Variants in HSPA9 observed in about 807,000 individuals in gnomAD.
The protein encoded by HSPA9 is heat shock protein family A (Hsp70) member 9.
Under a neutral mutation model 81.5 loss-of-function variants are expected in HSPA9, and 28 were observed. The ratio of observed to expected loss-of-function variants is 0.34; its 90% confidence interval spans 0.25 to 0.47. The LOEUF (loss-of-function observed/expected upper bound fraction) is 0.47, where lower values mean the gene tolerates loss of function less well. Ranked by LOEUF, HSPA9 falls within the 20% of genes least tolerant of loss-of-function variation. HSPA9 has a pLI of 1.00. For missense variants in HSPA9, 678 were observed against 838.0 expected (o/e 0.81, Z 2.36); for synonymous variants, 293 against 290.4 (o/e 1.01, Z -0.09).
Position 138,568,917 on chromosome 5 carries a change from C to A in HSPA9, c.535+8G>T, listed in dbSNP as rs1267924904. 2 of 1,613,464 alleles carry A rather than the reference C, an allele frequency of 1.2e-6. No homozygotes were observed. The highest frequency in any genetic ancestry group is 1.7e-6 in the Non-Finnish European group (2 of 1,179,688). ...GAACTTTCCCAGATGTGAACTAAAC[C>A]CACTCACCTGCAGTCTCTTTCATCT... On this transcript the variant is annotated splice_region_variant and intron_variant, in intron 5 of 16. Transcript: ENST00000297185.
rs1750535226 is a variant in HSPA9, at chr5:138,556,668, C to T, written c.1822-76G>A. 4 of 1,573,836 alleles carry T rather than the reference C, an allele frequency of 2.5e-6. No homozygotes were observed. The South Asian group carries it at 3.3e-5, about 13-fold the overall frequency. ...TACAAGTAGAAGTACTATTTAGAAACATTTTAAAATAATTAAACCCCTATC... is the reference window on the plus strand; with the variant it reads ...TACAAGTAGAAGTACTATTTAGAAATATTTTAAAATAATTAAACCCCTATC... On this transcript the variant is annotated intron_variant, in intron 15 of 16. Transcript: ENST00000297185.
Position 138,567,029 on chromosome 5 carries a change from C to T in HSPA9, c.851G>A (p.Arg284Gln), listed in dbSNP as rs771008866. The change falls in exon 8 of 17, where the codon CGG (arginine) becomes CAG (glutamine). Residue 284 changes from arginine (R) to glutamine (Q), a missense_variant. Arg to Gln is a conservative substitution (Grantham distance 43, BLOSUM62 1). Transcript: ENST00000297185. ...TCTCTTGAACTCCTTCACAATGTGC[C>T]GTAGCAAGGCCTGGTCAAAGTCTTC... ...GGEDFDQALL[R>Q]HIVKEFKRET... 6.2e-6 allele frequency: 10 copies of T among 1,610,608 alleles called. No individual in the cohort carries two copies. Among genetic ancestry groups the T allele is most frequent in the South Asian group, 5.5e-5 (5 of 90,972 alleles).
At chr5:138,566,311 A>C (rs1370280745) in intron 9 of HSPA9, among the ~76,000 whole-genome samples, 1 of 152,082 alleles carries the variant, frequency 6.6e-6, no homozygotes, top group Non-Finnish European at 1.5e-5. Context: ...AGTTTTAAAC[A>C]CTGCCAGAGC....
At chr5:138,566,769 A>G (rs1316313375) in intron 8 of HSPA9, 51 bp from the exon 9 acceptor site, 2 of 1,368,708 alleles carry the variant, frequency 1.5e-6, no homozygotes, top group Admixed American at 1.7e-5. Flanking sequence ...TGAGGTGATA[A>G]ATAAACTGCA....
intron 9 of HSPA9, among the ~76,000 whole-genome samples, chr5:138,563,284 A>G (rs1398545487): frequency 6.6e-6 from 1 of 152,252 alleles, no homozygotes; most frequent in Admixed American, 6.5e-5. Flanking sequence ...TAACTGAGAA[A>G]TGTAATTTTA....
At chr5:138,575,134 T>TA in intron 1 of HSPA9, 104 bp downstream of exon 1, 1 of 768,794 alleles carries the variant, frequency 1.3e-6, no homozygotes, top group Non-Finnish European at 2.2e-6. Context: ...GCCTGACCTA[T>TA]ACTGGAGAAT....
chr5:138,560,837 T>C (rs1750641039), intron 10 of HSPA9: 3 of 429,864 alleles, frequency 7.0e-6, no homozygotes, highest in South Asian at 1.7e-5. Flanking sequence ...CGTAAGCCAC[T>C]GTACCCGGCC....
rs41295735 is a variant in HSPA9 at position 138,563,752 on chromosome 5, T to C, written c.973-1963A>G. ...TTCCTTGGGCCACACATAAAATACA[T>C]TAACACTAACAATAGCTGATGAGCT... On this transcript the variant is annotated intron_variant, in intron 9 of 16. Transcript: ENST00000297185. 7.4e-4 allele frequency among the ~76,000 whole-genome samples: 113 copies of C among 152,322 alleles called. 1 individual carries two copies. The highest frequency in any genetic ancestry group is 2.5e-3 in the African/African-American group (106 of 41,570).
chr5:138,574,370 G>A (rs1751033527), intron 1 of HSPA9, among the ~76,000 whole-genome samples: 1 of 152,124 alleles, frequency 6.6e-6, no homozygotes, highest in Admixed American at 6.5e-5. Flanking sequence ...GGGCTGTTCT[G>A]TGCATTGTAG....
At chr5:138,568,271 T>C (rs1750808754) in intron 5 of HSPA9, among the ~76,000 whole-genome samples, 2 of 151,918 alleles carry the variant, frequency 1.3e-5, no homozygotes, top group Admixed American at 1.3e-4. Flanking sequence ...CTGAGGCGGA[T>C]GAATCACCTG....
chr5:138,562,024 C>T (rs183477653), intron 9 of HSPA9, among the ~76,000 whole-genome samples: 164 of 151,624 alleles, frequency 1.1e-3, no homozygotes, highest in African/African-American at 3.6e-3. Context: ...CTGCAACCTC[C>T]GCCTCCCAGG....
rs1034553858 is a variant in HSPA9 at position 138,554,043 on chromosome 5, A to C, written c.*1994T>G. On this transcript the variant is annotated 3_prime_UTR_variant, in exon 17 of 17. Coordinates refer to ENST00000297185, the MANE Select transcript of HSPA9 (RefSeq NM_004134.7). ...GGACTGTGGGTGGGACCTCGGTTCC[A>C]TAATTGTGAGCCAGTTTCTTTCTTA... Among the ~76,000 whole-genome samples, 1 of 152,216 alleles carries C rather than the reference A, an allele frequency of 6.6e-6. No individual in the cohort carries two copies. The highest frequency in any genetic ancestry group is 1.5e-5 in the Non-Finnish European group (1 of 68,038).
chr5:138,555,683 T>C lies in HSPA9; in HGVS notation c.*354A>G. ...CATATGTGGTCTCATTTCAAGTCTA[T>C]GGATGACTACCTTCATTGCTGTGTG... is the stretch of plus-strand genomic sequence containing the variant. On this transcript the variant is annotated 3_prime_UTR_variant, in exon 17 of 17. Transcript: ENST00000297185. 2.9e-6 allele frequency: 1 copy of C among 345,992 alleles called. No individual in the cohort carries two copies. The highest frequency in any genetic ancestry group is 5.5e-6 in the Non-Finnish European group (1 of 180,932). 21.4% of individuals were successfully genotyped at this position (345,992 alleles called of 1,614,324 possible). A position where few individuals can be genotyped will look rare whatever the true frequency, so the allele number is the denominator to read the frequency against.
chr5:138,573,552 C>T (rs1750998453), intron 3 of HSPA9, among the ~76,000 whole-genome samples: 1 of 138,050 alleles, frequency 7.2e-6, no homozygotes, highest in Admixed American at 8.4e-5. Flanking sequence ...GTGGCCAAGG[C>T]AGGAGAACTG....
At position 138,567,247 on chromosome 5, in the gene HSPA9, T is replaced by C. The variant is rs1029358790; in HGVS notation, c.717-84A>G. ...CAGGATATAAATTTCAATAACCAAA[T>C]ACAGATAATCTAAGCTATTTCCCTG... On this transcript the variant is annotated intron_variant, in intron 7 of 16. Coordinates refer to ENST00000297185, the MANE Select transcript of HSPA9 (RefSeq NM_004134.7). 4 of 1,214,328 alleles carry C rather than the reference T, an allele frequency of 3.3e-6. No individual in the cohort carries two copies. In the East Asian group the frequency reaches 1.0e-4, roughly 31 times the overall value. 75.2% of individuals were successfully genotyped at this position (1,214,328 alleles called of 1,614,324 possible).
At chr5:138,574,371 T>G (rs1751033606) in intron 1 of HSPA9, among the ~76,000 whole-genome samples, 1 of 152,200 alleles carries the variant, frequency 6.6e-6, no homozygotes, top group Admixed American at 6.5e-5. Context: ...GGCTGTTCTG[T>G]GCATTGTAGG....
intron 4 of HSPA9, among the ~76,000 whole-genome samples, chr5:138,569,851 C>T (rs1326644776): frequency 6.6e-6 from 1 of 151,928 alleles, no homozygotes; most frequent in African/African-American, 2.4e-5. Flanking sequence ...CTGCTCTAGG[C>T]CTAAAACATT....
chr5:138,556,341 A>C, intron 16 of HSPA9, 111 bp downstream of exon 16: 1 of 1,330,822 alleles, frequency 7.5e-7, no homozygotes, highest in South Asian at 1.2e-5. Context: ...TCCCAACTCT[A>C]ATCTCACTCT....
At chr5:138,569,720 A>T (rs1750837249) in intron 4 of HSPA9, among the ~76,000 whole-genome samples, 1 of 151,948 alleles carries the variant, frequency 6.6e-6, no homozygotes, top group African/African-American at 2.4e-5. Context: ...TATTTAGTTT[A>T]TATATATATA....
Sources: allele counts gnomAD v4.1 joint callset (sites outside exome capture counted in the v4.1 genomes callset), GRCh38; gene constraint gnomAD v4.1.1; transcripts MANE v1.5; gene names NCBI Gene and HGNC (gene_info 2026-07-23, HGNC 2026-07-21).